Variants in SLC35F3 observed in about 807,000 individuals in gnomAD.
SLC35F3 encodes the protein putative thiamine transporter SLC35F3.
SLC35F3 carries 25 observed loss-of-function variants against 49.9 expected under a neutral mutation model. The ratio of observed to expected loss-of-function variants is 0.50; its 90% CI spans 0.37 to 0.70. SLC35F3 has a LOEUF of 0.70. Among genes scored for constraint, SLC35F3 ranks in the 30% least tolerant of loss-of-function variants. The pLI is 0.00. For missense variants in SLC35F3, 525 were observed against 639.8 expected (o/e 0.82, Z 1.94); for synonymous variants, 275 against 265.4 (o/e 1.04, Z -0.35).
chr1:234,084,220 G>GAGAC (rs1553303588), intron 2 of SLC35F3, among the ~76,000 whole-genome samples: 1 of 148,212 alleles, frequency 6.7e-6, no homozygotes, highest in Non-Finnish European at 1.5e-5. Flanking sequence ...ATAAGGAATA[G>GAGAC]ACACACACAC....
At chr1:234,069,339 C>A (rs1664680066) in intron 2 of SLC35F3, among the ~76,000 whole-genome samples, 1 of 149,554 alleles carries the variant, frequency 6.7e-6, no homozygotes, top group South Asian at 2.1e-4. Flanking sequence ...CTCATTGCAA[C>A]CTCCACCTCC....
chr1:234,061,299 A>G (rs142999568), intron 2 of SLC35F3, among the ~76,000 whole-genome samples: 1 of 152,130 alleles, frequency 6.6e-6, no homozygotes, highest in Admixed American at 6.5e-5. Flanking sequence ...CCCTTTGGCT[A>G]CTGTTGTTTC....
chr1:234,048,351 G>A (rs1271477543), intron 2 of SLC35F3, among the ~76,000 whole-genome samples: 1 of 152,162 alleles, frequency 6.6e-6, no homozygotes, highest in East Asian at 1.9e-4. Context: ...CCATAAAGAG[G>A]TTATCCATGA....
intron 3 of SLC35F3, among the ~76,000 whole-genome samples, chr1:234,233,176 T>C (rs1040055477): frequency 6.6e-6 from 1 of 152,166 alleles, no homozygotes; most frequent in African/African-American, 2.4e-5. Flanking sequence ...CCCAAGATTG[T>C]CCCAAAGGCA....
At chr1:234,177,138 G>T (rs1047895308) in intron 2 of SLC35F3, among the ~76,000 whole-genome samples, 1 of 152,142 alleles carries the variant, frequency 6.6e-6, no homozygotes, top group Admixed American at 6.5e-5. Flanking sequence ...AGATCTGATG[G>T]TTTTAAAAAT....
chr1:234,121,986 G>T (rs966320136), intron 2 of SLC35F3, among the ~76,000 whole-genome samples: 1 of 152,176 alleles, frequency 6.6e-6, no homozygotes, highest in African/African-American at 2.4e-5. Context: ...ATTTGGGTTG[G>T]TTCCAAGTCT....
intron 2 of SLC35F3, among the ~76,000 whole-genome samples, chr1:234,154,920 G>A (rs1190458960): frequency 2.6e-5 from 4 of 152,014 alleles, no homozygotes; most frequent in Non-Finnish European, 5.9e-5. Context: ...ATCCGGGGGC[G>A]ATTTGACTCC....
At chr1:233,965,720 C>T (rs1558191661) in intron 2 of SLC35F3, among the ~76,000 whole-genome samples, 2 of 152,166 alleles carry the variant, frequency 1.3e-5, no homozygotes, top group African/African-American at 4.8e-5. Flanking sequence ...AGAACACAGC[C>T]TGGTCAATAC....
intron 3 of SLC35F3, among the ~76,000 whole-genome samples, chr1:234,244,017 G>A (rs937908208): frequency 1.3e-5 from 2 of 152,202 alleles, no homozygotes; most frequent in Admixed American, 6.5e-5. Flanking sequence ...AATGACACCT[G>A]TCAACCAGTA....
intron 2 of SLC35F3, among the ~76,000 whole-genome samples, chr1:234,152,937 G>T (rs1293190216): frequency 6.6e-6 from 1 of 152,158 alleles, no homozygotes; most frequent in East Asian, 1.9e-4. Flanking sequence ...GCGTGAGATG[G>T]TGTCTCATTG....
chr1:234,158,971 TAG>T (rs1666190894), intron 2 of SLC35F3, among the ~76,000 whole-genome samples: 1 of 152,158 alleles, frequency 6.6e-6, no homozygotes, highest in Admixed American at 6.5e-5. Flanking sequence ...TAAAGATATT[TAG>T]AGTTTTTTGT....
At chr1:234,205,288 C>G (rs938565404) in intron 2 of SLC35F3, among the ~76,000 whole-genome samples, 4 of 152,306 alleles carry the variant, frequency 2.6e-5, no homozygotes, top group Admixed American at 2.6e-4. Flanking sequence ...CACAGCTCAC[C>G]TTCATGATTA....
At chr1:233,906,496 G>A (rs1256392229) in intron 2 of SLC35F3, among the ~76,000 whole-genome samples, 1 of 152,158 alleles carries the variant, frequency 6.6e-6, no homozygotes, top group Non-Finnish European at 1.5e-5. Flanking sequence ...CAAGAGAGAG[G>A]TTGATTATGA....
intron 3 of SLC35F3, among the ~76,000 whole-genome samples, chr1:234,255,964 A>G (rs1444333283): frequency 6.6e-6 from 1 of 152,220 alleles, no homozygotes; most frequent in Non-Finnish European, 1.5e-5. Flanking sequence ...TTTAGTTAAT[A>G]ATAAAAAATC....
chr1:233,953,139 G>T (rs970540867), intron 2 of SLC35F3, among the ~76,000 whole-genome samples: 1 of 152,106 alleles, frequency 6.6e-6, no homozygotes, highest in Non-Finnish European at 1.5e-5. Flanking sequence ...AGATCAGCTG[G>T]AAACCTAAAA....
At chr1:234,276,773 T>C (rs1023903264) in intron 3 of SLC35F3, among the ~76,000 whole-genome samples, 7 of 152,250 alleles carry the variant, frequency 4.6e-5, no homozygotes, top group Non-Finnish European at 1.0e-4. Flanking sequence ...GCCTGGCAGG[T>C]GCCAAAGAAA....
chr1:234,254,789 C>A (rs1245110864), intron 3 of SLC35F3, among the ~76,000 whole-genome samples: 1 of 152,152 alleles, frequency 6.6e-6, no homozygotes, highest in African/African-American at 2.4e-5. Context: ...ACTTAATAAA[C>A]AAAGGTGTTG....
chr1:234,302,152 G>GGTT (rs1229685538), intron 3 of SLC35F3, among the ~76,000 whole-genome samples: 1 of 151,918 alleles, frequency 6.6e-6, no homozygotes, highest in Non-Finnish European at 1.5e-5. Context: ...ATGTATCCTG[G>GGTT]GTTGTTGTTG....
intron 2 of SLC35F3, among the ~76,000 whole-genome samples, chr1:233,956,672 T>A (rs1662710050): frequency 6.6e-6 from 1 of 151,990 alleles, no homozygotes; most frequent in African/African-American, 2.4e-5. Context: ...GAATGGCTGA[T>A]GAAGTGTACC....
Sources: gnomAD v4.1 joint callset for allele counts (sites outside exome capture counted in the v4.1 genomes callset) on GRCh38, gnomAD v4.1.1 for gene constraint, MANE v1.5 for transcripts, NCBI Gene and HGNC (gene_info 2026-07-23, HGNC 2026-07-21) for gene names.